Variants in LUZP1 observed in about 807,000 individuals in gnomAD.
LUZP1 encodes leucine zipper protein 1.
Under a neutral mutation model 71.3 loss-of-function variants are expected in LUZP1, and 25 were observed. That is an observed-to-expected ratio of 0.35 (90% confidence interval 0.26 to 0.49). LUZP1 has a LOEUF of 0.49. Ranked by LOEUF, LUZP1 falls within the 20% of genes least tolerant of loss-of-function variation. The probability of loss-of-function intolerance (pLI) is 0.99; values close to 1 mark genes in which losing one functional copy is unlikely to be tolerated. For synonymous variants in LUZP1, 481 were observed against 506.4 expected (o/e 0.95, Z 0.67); for missense variants, 1,142 against 1,300.8 (o/e 0.88, Z 1.88).
rs947079775 is a variant in LUZP1, at chr1:23,146,423, A to G, written c.-226+22343T>C. 2.0e-5 allele frequency among the ~76,000 whole-genome samples: 3 copies of G among 152,340 alleles called. No homozygotes were observed. In the East Asian group the frequency reaches 5.8e-4, roughly 29 times the overall value. ...ACCTAGTCACATGACGTCACTTAAT[A>G]GCCGTATGGACAAGTTACTTAACTG... On this transcript the variant is annotated intron_variant, in intron 2 of 4. Transcript: ENST00000302291.
At chr1:23,149,759 CGA>C (rs1244626337) in intron 2 of LUZP1, among the ~76,000 whole-genome samples, 2 of 151,964 alleles carry the variant, frequency 1.3e-5, no homozygotes, top group East Asian at 3.9e-4. Context: ...GTCACGAGAT[CGA>C]GATCAGCCTG....
intron 2 of LUZP1, chr1:23,109,601 G>T (rs1644011746): frequency 6.6e-6 from 1 of 152,176 alleles, no homozygotes; most frequent in African/African-American, 2.4e-5. Flanking sequence ...TCATCTGATA[G>T]GTCGCAGTCA....
At position 23,103,834 on chromosome 1, in the gene LUZP1, G is replaced by C. The variant is rs1398931583; in HGVS notation, c.-120+5188C>G. ...TGGGAAGGAGGGAGGGAGGAAGAGA[G>C]GGAGAGAGGGAGGGAGGGAGGGAGG... On this transcript the variant is annotated intron_variant, in intron 3 of 4. Transcript: ENST00000302291. Among the ~76,000 whole-genome samples, 5 of 69,234 alleles carry C rather than the reference G, an allele frequency of 7.2e-5. No individual in the cohort carries two copies. The East Asian group carries it at 2.4e-3, about 33-fold the overall frequency. 45.4% of individuals were successfully genotyped at this position (69,234 alleles called of 152,430 possible).
chr1:23,176,904 A>C (rs1302951476), intron 1 of LUZP1, among the ~76,000 whole-genome samples: 1 of 151,986 alleles, frequency 6.6e-6, no homozygotes, highest in Non-Finnish European at 1.5e-5. Flanking sequence ...TTTTTGAGAC[A>C]GGGTCTGGCC....
chr1:23,164,100 G>A (rs1205689590), intron 2 of LUZP1: 6 of 152,190 alleles, frequency 3.9e-5, no homozygotes, highest in Middle Eastern at 3.4e-3. Flanking sequence ...ATGGTATACG[G>A]AGGACCAATG....
At chr1:23,142,678 G>A (rs1381392405) in intron 2 of LUZP1, among the ~76,000 whole-genome samples, 1 of 149,620 alleles carries the variant, frequency 6.7e-6, no homozygotes, top group Non-Finnish European at 1.5e-5. Context: ...TAAATGGTGG[G>A]TGCATAAAAT....
chr1:23,129,933 A>C (rs1200657237), intron 2 of LUZP1, among the ~76,000 whole-genome samples: 2 of 152,232 alleles, frequency 1.3e-5, no homozygotes, highest in Non-Finnish European at 2.9e-5. Context: ...ATAAATAAGC[A>C]GATTTAGAAT....
chr1:23,129,426 A>G (rs1423196942), intron 2 of LUZP1, among the ~76,000 whole-genome samples: 1 of 152,172 alleles, frequency 6.6e-6, no homozygotes, highest in Non-Finnish European at 1.5e-5. Context: ...TACTAAAAAT[A>G]CAAAATTACC....
chr1:23,119,251 CTTTTTTTT>C (rs35522356), intron 2 of LUZP1, among the ~76,000 whole-genome samples: 2 of 69,994 alleles, frequency 2.9e-5, no homozygotes, highest in Non-Finnish European at 2.5e-5. Context: ...GTGACTAGCT[CTTTTTTTT>C]TTTTTTTTTT....
chr1:23,125,251 G>C (rs1569618636), intron 2 of LUZP1, among the ~76,000 whole-genome samples: 1 of 152,102 alleles, frequency 6.6e-6, no homozygotes, highest in East Asian at 1.9e-4. Flanking sequence ...AGAAAACAGT[G>C]CATACTTTCT....
chr1:23,119,745 C>T (rs1006051727), intron 2 of LUZP1, among the ~76,000 whole-genome samples: 6 of 152,106 alleles, frequency 3.9e-5, no homozygotes, highest in African/African-American at 1.4e-4. Context: ...AGTAACAGTT[C>T]AGTAAATGTT....
chr1:23,093,465 T>C lies in LUZP1; in HGVS notation c.797A>G (p.Gln266Arg). Residue 266 changes from glutamine to arginine, a missense_variant, in exon 4 of 5, where the codon CAG (glutamine) becomes CGG (arginine). Coordinates refer to ENST00000302291, the Ensembl canonical transcript of LUZP1. The surrounding 1 kb of genome is among the most constrained non-coding windows in gnomAD (Gnocchi z 4.2). ...TTTGTTTCTTGTTTCATTCTCTACC[T>C]GCTTTAGGTAGTCCAGACCACCCTT... The C allele has an allele frequency of 1.2e-6, 2 of 1,612,374 alleles. No homozygotes were observed. The highest frequency in any genetic ancestry group is 2.7e-5 in the African/African-American group (2 of 74,826).
rs189115922 is a variant in LUZP1 at position 23,123,353 on chromosome 1, G to A, written c.-225-14226C>T. Among the ~76,000 whole-genome samples the A allele has an allele frequency of 1.1e-3, 162 of 152,072 alleles. 1 individual carries two copies. The highest frequency in any genetic ancestry group is 2.4e-3 in the African/African-American group (101 of 41,478). On this transcript the variant is annotated intron_variant, in intron 2 of 4. Coordinates refer to ENST00000302291, the Ensembl canonical transcript of LUZP1. ...CTAAAAATACAAAAATTAACCAGGCGTGGTGGTGCATGCCTGTAGTCCCAG... is the reference window on the plus strand; with the variant it reads ...CTAAAAATACAAAAATTAACCAGGCATGGTGGTGCATGCCTGTAGTCCCAG...
At chr1:23,086,403 A>G (rs1472970525) in exon 5 of LUZP1, 1 of 152,698 alleles carries the variant, frequency 6.5e-6, no homozygotes, top group Non-Finnish European at 1.5e-5. Flanking sequence ...CAGCCCCAGC[A>G]AAAGGGCATC....
Position 23,093,106 on chromosome 1 carries a change from A to T in LUZP1, c.1156T>A (p.Ser386Thr). ...GACAGTTCCCGCGCTGTGTGCTTGG[A>T]CACAGAAGCTTCACTTCCGTGGCCT... The change falls in exon 4 of 5, where the codon TCC (serine) becomes ACC (threonine). Residue 386 changes from serine to threonine, a missense_variant. Physicochemically the swap from Ser to Thr is moderately conservative, Grantham distance 58. Coordinates refer to ENST00000302291, the Ensembl canonical transcript of LUZP1. The surrounding 1 kb of genome is among the most constrained non-coding windows in gnomAD (Gnocchi z 4.2). The T allele has an allele frequency of 6.2e-7, 1 of 1,614,036 alleles. No homozygotes were observed. The highest frequency in any genetic ancestry group is 1.1e-5 in the South Asian group (1 of 91,064).
chr1:23,170,919 C>T (rs111799103), intron 1 of LUZP1, among the ~76,000 whole-genome samples: 4 of 151,632 alleles, frequency 2.6e-5, no homozygotes, highest in Non-Finnish European at 4.4e-5. Flanking sequence ...GGCAAAACCC[C>T]GTCTTTACAA....
At chr1:23,151,243 C>G (rs1445006331) in intron 2 of LUZP1, among the ~76,000 whole-genome samples, 1 of 152,042 alleles carries the variant, frequency 6.6e-6, no homozygotes, top group Non-Finnish European at 1.5e-5. Flanking sequence ...GTGGTTCCAC[C>G]ATGTTGGCCA....
At chr1:23,104,868 G>A (rs986529703) in intron 3 of LUZP1, among the ~76,000 whole-genome samples, 7 of 152,142 alleles carry the variant, frequency 4.6e-5, no homozygotes, top group Non-Finnish European at 1.0e-4. Context: ...AAGAGATCAG[G>A]CCAATGATTT....
chr1:23,098,657 T>TA (rs1205491206), intron 3 of LUZP1, among the ~76,000 whole-genome samples: 10 of 152,202 alleles, frequency 6.6e-5, no homozygotes, highest in African/African-American at 1.9e-4. Flanking sequence ...GCAGCAACGA[T>TA]AGAGTATTAG....
Sources: gnomAD v4.1 joint callset for allele counts (sites outside exome capture counted in the v4.1 genomes callset) on GRCh38, gnomAD v4.1.1 for gene constraint, Gnocchi (gnomAD v3.1) non-coding constraint, MANE v1.5 for transcripts, NCBI Gene and HGNC (gene_info 2026-07-23, HGNC 2026-07-21) for gene names.